The following SYT6 variants were observed in gnomAD, a reference collection of about 807,000 sequenced individuals.
The protein encoded by SYT6 is synaptotagmin-6.
SYT6 carries 24 observed loss-of-function variants against 38.4 expected under a neutral mutation model. The observed-to-expected ratio is 0.62, with a 90% CI of 0.45 to 0.88. The LOEUF (loss-of-function observed/expected upper bound fraction) is 0.88, where lower values mean the gene tolerates loss of function less well. Among genes scored for constraint, SYT6 ranks in the 40% least tolerant of loss-of-function variants. The probability of loss-of-function intolerance (pLI) is 0.00; values close to 1 mark genes in which losing one functional copy is unlikely to be tolerated. For missense variants in SYT6, 611 were observed against 621.0 expected, an observed-to-expected ratio of 0.98 and a Z score of 0.17; for synonymous variants, 265 against 241.9, an observed-to-expected ratio of 1.10 and a Z score of -0.89.
Position 114,139,682 on chromosome 1 carries a change from C to A in SYT6, c.445G>T (p.Val149Phe). Residue 149 changes from valine (V) to phenylalanine (F), a missense_variant, in exon 2 of 8, where the codon GTC (valine) becomes TTC (phenylalanine). Coordinates refer to ENST00000610222, the MANE Select transcript of SYT6 (RefSeq NM_001253772.2). ...GTGTGACGCATGATGTGCTCCTTGA[C>A]CGACATCTGCACCTCAGCTGGGATA... ...PDIPAEVQMS[V>F]KEHIMRHTRL... 1 of 1,614,146 alleles carries A rather than the reference C, an allele frequency of 6.2e-7. No individual in the cohort carries two copies. The highest frequency in any genetic ancestry group is 1.1e-5 in the South Asian group (1 of 91,082).
intron 1 of SYT6, among the ~76,000 whole-genome samples, chr1:114,150,960 G>A (rs1157570958): frequency 6.6e-6 from 1 of 152,216 alleles, no homozygotes; most frequent in Admixed American, 6.5e-5. Flanking sequence ...CTAGAAATCT[G>A]TAAGCTAGAG....
At chr1:114,150,060 C>G (rs1365136686) in intron 1 of SYT6, among the ~76,000 whole-genome samples, 1 of 152,154 alleles carries the variant, frequency 6.6e-6, no homozygotes, top group Non-Finnish European at 1.5e-5. Flanking sequence ...TTTCCCCACT[C>G]CAGACAACCC....
At chr1:114,134,095 A>G (rs476567) in intron 3 of SYT6, among the ~76,000 whole-genome samples, 59,708 of 151,862 alleles carry the variant, frequency 0.39, 11,903 homozygotes, top group South Asian at 0.5. Flanking sequence ...GCACAGAGCA[A>G]CCTCCAAGTC....
At chr1:114,140,201 C>A (rs1487701536) in intron 1 of SYT6, among the ~76,000 whole-genome samples, 1 of 152,042 alleles carries the variant, frequency 6.6e-6, no homozygotes, top group Non-Finnish European at 1.5e-5. Flanking sequence ...CCAGCATCAT[C>A]CTCTCTCCCG....
intron 3 of SYT6, among the ~76,000 whole-genome samples, chr1:114,106,339 C>T (rs913783153): frequency 1.2e-4 from 18 of 151,880 alleles, no homozygotes; most frequent in East Asian, 1.9e-4. Context: ...CTCAGCCCTG[C>T]GAGGTAGGTG....
At chr1:114,104,666 C>CCA (rs1676174028) in intron 3 of SYT6, among the ~76,000 whole-genome samples, 4 of 151,144 alleles carry the variant, frequency 2.6e-5, no homozygotes, top group Non-Finnish European at 5.9e-5. Context: ...AGATGAGGCC[C>CCA]TCCATCCATC....
intron 4 of SYT6, among the ~76,000 whole-genome samples, chr1:114,102,734 G>C (rs1484935769): frequency 6.6e-6 from 1 of 152,150 alleles, no homozygotes; most frequent in African/African-American, 2.4e-5. Context: ...GGGATCTAGG[G>C]AAACAAACTG....
chr1:114,122,083 C>T (rs1429404849), intron 3 of SYT6, among the ~76,000 whole-genome samples: 1 of 152,196 alleles, frequency 6.6e-6, no homozygotes, highest in African/African-American at 2.4e-5. Context: ...CCGTTGGATC[C>T]GTGCCCCTTG....
chr1:114,153,171 A>C (rs1279063166), intron 1 of SYT6, among the ~76,000 whole-genome samples: 1 of 152,232 alleles, frequency 6.6e-6, no homozygotes, highest in Non-Finnish European at 1.5e-5. Context: ...ACGGACGGAC[A>C]GACCGACGCA....
At chr1:114,133,592 C>T (rs1187936008) in intron 3 of SYT6, among the ~76,000 whole-genome samples, 1 of 152,160 alleles carries the variant, frequency 6.6e-6, no homozygotes, top group Admixed American at 6.5e-5. Context: ...CTTGGGCAAG[C>T]CAGGCAGAAG....
Position 114,097,700 on chromosome 1 carries a change from TG to T in SYT6, c.1515+26del, listed in dbSNP as rs748426799. On this transcript the variant is annotated intron_variant, in intron 6 of 7. Transcript: ENST00000610222. ...AGCCCACACTGCCATGCAGCAAACA[TG>T]CCAAGGGCCAGGTGACCTCACCCAC... 27 of 1,611,126 alleles carry T rather than the reference TG, an allele frequency of 1.7e-5. 1 individual carries two copies. In the South Asian group the frequency reaches 3.0e-4, roughly 18 times the overall value.
intron 1 of SYT6, among the ~76,000 whole-genome samples, chr1:114,150,374 C>T (rs1679383241): frequency 6.6e-6 from 1 of 152,178 alleles, no homozygotes; most frequent in South Asian, 2.1e-4. Flanking sequence ...ACACACTAGT[C>T]AGAATATCAT....
At chr1:114,107,284 G>A (rs1004245020) in intron 3 of SYT6, among the ~76,000 whole-genome samples, 1 of 152,324 alleles carries the variant, frequency 6.6e-6, no homozygotes, top group Admixed American at 6.5e-5. Flanking sequence ...CCCTCCAGGG[G>A]AGCAGTGACC....
chr1:114,103,341 C>A (rs1281639148), intron 4 of SYT6, among the ~76,000 whole-genome samples: 5 of 152,264 alleles, frequency 3.3e-5, no homozygotes, highest in African/African-American at 9.6e-5. Flanking sequence ...AGGCACCATT[C>A]TGAACATTTA....
rs1163517907 is a variant in SYT6, at chr1:114,137,909, C to G, written c.657G>C (p.Gly219=). Reference sequence around the variant, plus strand: ...TGGTGGCCTCAGACTTGGCATCCTCCCCATCCACCGACTTCTGCTTGTAGA... The same window carrying G: ...TGGTGGCCTCAGACTTGGCATCCTCGCCATCCACCGACTTCTGCTTGTAGA... ...PELYKQKSVD[G]EDAKSEATKS... The change falls in exon 3 of 8, where the codon GGG becomes GGC. Residue 219 remains glycine, a synonymous_variant. Transcript: ENST00000610222. The G allele has an allele frequency of 1.3e-5, 21 of 1,613,872 alleles. No homozygotes were observed. The highest frequency in any genetic ancestry group is 1.8e-5 in the Non-Finnish European group (21 of 1,180,006).
chr1:114,153,550 GGGAA>G, intron 1 of SYT6, 56 bp downstream of exon 1: 1 of 571,470 alleles, frequency 1.7e-6, no homozygotes, highest in Non-Finnish European at 3.1e-6. Context: ...CGGGGCTTTG[GGGAA>G]GGGAGATCGC....
intron 3 of SYT6, among the ~76,000 whole-genome samples, chr1:114,129,690 G>T (rs1678023635): frequency 1.6e-5 from 2 of 127,208 alleles, no homozygotes; most frequent in Non-Finnish European, 1.6e-5. Flanking sequence ...TTTCTTTCTT[G>T]ACAGAGTCTT....
At chr1:114,104,201 T>A (rs542539903) in intron 3 of SYT6, among the ~76,000 whole-genome samples, 3 of 152,220 alleles carry the variant, frequency 2.0e-5, no homozygotes, top group Non-Finnish European at 4.4e-5. Context: ...AGGTCCATGA[T>A]TCTTTTCTTC....
intron 3 of SYT6, among the ~76,000 whole-genome samples, chr1:114,105,700 A>C (rs905854434): frequency 5.9e-5 from 9 of 151,964 alleles, no homozygotes; most frequent in African/African-American, 2.2e-4. Context: ...TTTCCCCTCC[A>C]TTTCACGGAC....
Sources: allele counts gnomAD v4.1 joint callset (sites outside exome capture counted in the v4.1 genomes callset), GRCh38; gene constraint gnomAD v4.1.1; transcripts MANE v1.5; gene names NCBI Gene and HGNC (gene_info 2026-07-23, HGNC 2026-07-21).